SLCO5A1: variants seen among roughly 807,000 people sequenced by gnomAD.
SLCO5A1 encodes organic anion transporter polypeptide-related protein 4.
In SLCO5A1, 39 loss-of-function variants were observed where a neutral mutation model predicts 65.1. That is an observed-to-expected ratio of 0.60 (90% CI 0.46 to 0.78). SLCO5A1 has a LOEUF of 0.78. SLCO5A1 is among the 30% of genes least tolerant of loss of function. SLCO5A1 has a pLI of 0.00. For missense variants in SLCO5A1, 1,029 were observed against 1,069.4 expected (o/e 0.96, Z 0.53); for synonymous variants, 438 against 415.7 (o/e 1.05, Z -0.65).
chr8:69,680,810 A>C (rs971884284), intron 7 of SLCO5A1, among the ~76,000 whole-genome samples: 9 of 152,180 alleles, frequency 5.9e-5, no homozygotes, highest in Admixed American at 1.3e-4. Flanking sequence ...ATAGAAGAGC[A>C]ACCAGCTCCA....
intron 4 of SLCO5A1, among the ~76,000 whole-genome samples, chr8:69,749,132 T>G (rs894083655): frequency 3.9e-5 from 6 of 152,206 alleles, no homozygotes; most frequent in Non-Finnish European, 7.3e-5. Flanking sequence ...ACATTCATAC[T>G]ATACTTGTTC....
At chr8:69,700,803 G>A (rs918918075) in intron 6 of SLCO5A1, among the ~76,000 whole-genome samples, 2 of 151,452 alleles carry the variant, frequency 1.3e-5, no homozygotes, top group East Asian at 1.9e-4. Flanking sequence ...CAAATGTAAC[G>A]GTGTGTATGT....
At position 69,832,920 on chromosome 8, in the gene SLCO5A1, G is replaced by T. The variant is rs1193719616; in HGVS notation, c.-247C>A. ...GGGGCAGGGGTCCGCGCGGTACTGCGATGAGCCCTACTCGGCGTCCCTCTC... is the reference window on the plus strand; with the variant it reads ...GGGGCAGGGGTCCGCGCGGTACTGCTATGAGCCCTACTCGGCGTCCCTCTC... On this transcript the variant is annotated 5_prime_UTR_variant, in exon 2 of 10. Coordinates refer to ENST00000260126, the MANE Select transcript of SLCO5A1 (RefSeq NM_030958.3). The surrounding 1 kb of genome is among the most constrained non-coding windows in gnomAD (Gnocchi z 4.5). 9.4e-6 allele frequency: 5 copies of T among 531,034 alleles called. No homozygotes were observed. The highest frequency in any genetic ancestry group is 2.0e-5 in the African/African-American group (1 of 49,582). 32.9% of individuals were successfully genotyped at this position (531,034 alleles called of 1,614,324 possible).
chr8:69,755,390 C>T (rs769538465), intron 4 of SLCO5A1, 34 bp downstream of exon 4: 2 of 1,572,238 alleles, frequency 1.3e-6, no homozygotes, highest in Non-Finnish European at 1.7e-6. Context: ...GATCAAAGTG[C>T]CATGCATGTA....
intron 6 of SLCO5A1, among the ~76,000 whole-genome samples, chr8:69,697,584 C>T (rs1009184799): frequency 6.6e-6 from 1 of 151,940 alleles, no homozygotes; most frequent in Non-Finnish European, 1.5e-5. Context: ...CTAGATTGGG[C>T]AGAGATGGAA....
In SLCO5A1 at chr8:69,704,935, G is replaced by A. The variant is rs904983495; in HGVS notation, c.1622+96C>T. 2.6e-5 allele frequency: 29 copies of A among 1,123,312 alleles called. No homozygotes were observed. The African/African-American group carries it at 3.7e-4, about 14-fold the overall frequency. The allele number at this position is 1,123,312 out of a possible 1,614,324, so 69.6% of individuals were successfully genotyped here. A position where few individuals can be genotyped will look rare whatever the true frequency, so the allele number is the denominator to read the frequency against. On this transcript the variant is annotated intron_variant, in intron 6 of 9. Coordinates refer to ENST00000260126, the MANE Select transcript of SLCO5A1 (RefSeq NM_030958.3). Reference sequence around the variant, plus strand: ...GAGCACACACAGGGAGAACAGCTTGGAGGGAGGGGTATGAGGCTGACTGCA... The same window carrying A: ...GAGCACACACAGGGAGAACAGCTTGAAGGGAGGGGTATGAGGCTGACTGCA...
intron 5 of SLCO5A1, among the ~76,000 whole-genome samples, chr8:69,708,662 G>C (rs1011248261): frequency 6.6e-6 from 1 of 152,272 alleles, no homozygotes; most frequent in Non-Finnish European, 1.5e-5. Context: ...CCAGCACTTT[G>C]GGAGGCCGAG....
intron 6 of SLCO5A1, 70 bp from the exon 7 acceptor site, chr8:69,682,413 T>TCG (rs1442419600): frequency 7.3e-7 from 1 of 1,376,474 alleles, no homozygotes; most frequent in African/African-American, 1.5e-5. Flanking sequence ...GGTCTTGAAA[T>TCG]TAATAATTTG....
chr8:69,784,886 A>AGG (rs1366792079), intron 2 of SLCO5A1, among the ~76,000 whole-genome samples: 1,931 of 120,334 alleles, frequency 0.016, 33 homozygotes, highest in African/African-American at 0.037. Flanking sequence ...AAAGAAAGAA[A>AGG]GAAGAAAGGA....
intron 4 of SLCO5A1, among the ~76,000 whole-genome samples, chr8:69,750,452 G>A (rs571969139): frequency 8.5e-5 from 13 of 152,048 alleles, no homozygotes; most frequent in South Asian, 6.2e-4. Flanking sequence ...AAAAGAAATC[G>A]AAGAACTCAC....
chr8:69,725,720 T>G (rs1816037049), intron 5 of SLCO5A1, among the ~76,000 whole-genome samples: 1 of 152,142 alleles, frequency 6.6e-6, no homozygotes, highest in Non-Finnish European at 1.5e-5. Context: ...AAGAAGAAAG[T>G]TTTTATTCAT....
At chr8:69,802,167 C>A (rs1819770664) in intron 2 of SLCO5A1, among the ~76,000 whole-genome samples, 1 of 152,120 alleles carries the variant, frequency 6.6e-6, no homozygotes, top group South Asian at 2.1e-4. Context: ...TAATGGGGAT[C>A]AGCACGATAA....
At chr8:69,828,331 A>G (rs7837435) in intron 2 of SLCO5A1, among the ~76,000 whole-genome samples, 2,071 of 152,016 alleles carry the variant, frequency 0.014, 20 homozygotes, top group Non-Finnish European at 0.024. Flanking sequence ...GGCCGGGTGC[A>G]GTGGCTCACG....
chr8:69,793,915 G>A (rs147059714), intron 2 of SLCO5A1: 1,621 of 153,060 alleles, frequency 0.011, 27 homozygotes, highest in African/African-American at 0.035. Context: ...TTAGTCTAAG[G>A]TCTTGACATA....
At chr8:69,752,212 CAGAG>C (rs1817339042) in intron 4 of SLCO5A1, among the ~76,000 whole-genome samples, 1 of 151,936 alleles carries the variant, frequency 6.6e-6, no homozygotes, top group Non-Finnish European at 1.5e-5. Flanking sequence ...GCCTGGGTGA[CAGAG>C]AGAGACTCTG....
At position 69,755,482 on chromosome 8, in the gene SLCO5A1, G is replaced by A. The variant is rs1453710360; in HGVS notation, c.1200C>T (p.Asn400=). 1.2e-6 allele frequency: 2 copies of A among 1,614,000 alleles called. No homozygotes were observed. The highest frequency in any genetic ancestry group is 1.7e-6 in the Non-Finnish European group (2 of 1,179,966). The part of the protein sequence containing the change: ...SDDDVLKEKS[N]NSEQADKKVS... ...CTTTTTTGTCCGCTTGTTCACTGTT[G>A]TTTGATTTCTCCTTCAGAACATCGT... is the stretch of plus-strand genomic sequence containing the variant. The change falls in exon 4 of 10, where the codon AAC becomes AAT. Residue 400 remains asparagine (N), a synonymous_variant. Coordinates refer to ENST00000260126, the MANE Select transcript of SLCO5A1 (RefSeq NM_030958.3).
chr8:69,797,662 G>A (rs879892666), intron 2 of SLCO5A1, among the ~76,000 whole-genome samples: 5 of 152,324 alleles, frequency 3.3e-5, no homozygotes, highest in Admixed American at 2.6e-4. Context: ...AAGCTGTAGG[G>A]ATGAAATAAG....
rs540244445 is a variant in SLCO5A1, at chr8:69,801,953, C to G, written c.907+29814G>C. Among the ~76,000 whole-genome samples, 46 of 152,338 alleles carry G rather than the reference C, an allele frequency of 3.0e-4. 1 individual carries two copies. Among genetic ancestry groups the G allele is most frequent in the African/African-American group, 1.0e-3 (42 of 41,578 alleles). ...TTCCTTCCACCACCTCATGTCGCCTCAAGCTTTATTATTTGGAACAGCCTA... is the reference window on the plus strand; with the variant it reads ...TTCCTTCCACCACCTCATGTCGCCTGAAGCTTTATTATTTGGAACAGCCTA... On this transcript the variant is annotated intron_variant, in intron 2 of 9. Coordinates refer to ENST00000260126, the MANE Select transcript of SLCO5A1 (RefSeq NM_030958.3).
intron 2 of SLCO5A1, chr8:69,794,447 G>C (rs761238283): frequency 6.8e-6 from 3 of 443,658 alleles, no homozygotes; most frequent in Non-Finnish European, 1.3e-5. Context: ...CTTTATAAGT[G>C]ATGAAAAGTG....
Sources: allele counts gnomAD v4.1 joint callset (sites outside exome capture counted in the v4.1 genomes callset), GRCh38; gene constraint gnomAD v4.1.1; non-coding constraint Gnocchi (gnomAD v3.1); transcripts MANE v1.5; gene names NCBI Gene and HGNC (gene_info 2026-07-23, HGNC 2026-07-21).